AP4E1: variants seen among roughly 807,000 people sequenced by gnomAD.
AP4E1 encodes AP-4 complex subunit epsilon-1.
In AP4E1, 56 loss-of-function variants were observed where a neutral mutation model predicts 128.2. The observed-to-expected ratio is 0.44, with a 90% CI of 0.35 to 0.55. The LOEUF (loss-of-function observed/expected upper bound fraction) is 0.55, where lower values mean the gene tolerates loss of function less well. Among genes scored for constraint, AP4E1 ranks in the 20% least tolerant of loss-of-function variants. The pLI is 0.00. For missense variants in AP4E1, 1,324 were observed against 1,307.7 expected, an observed-to-expected ratio of 1.01 and a Z score of -0.19; for synonymous variants, 484 against 473.1, an observed-to-expected ratio of 1.02 and a Z score of -0.30.
At position 51,004,258 on chromosome 15, in the gene AP4E1, A is replaced by G. The variant is rs1455384802; in HGVS notation, c.*1596A>G. ...AGCTAGCCTTATCAGCTCCCTCCTT[A>G]TTCCTACCTCTGTCAGCAGCATGCC... On this transcript the variant is annotated 3_prime_UTR_variant, in exon 21 of 21. Transcript: ENST00000261842. 6.6e-6 allele frequency: 1 copy of G among 152,022 alleles called. No individual in the cohort carries two copies. Among genetic ancestry groups the G allele is most frequent in the Non-Finnish European group, 1.5e-5 (1 of 68,004 alleles). 9.4% of individuals were successfully genotyped at this position (152,022 alleles called of 1,614,324 possible). A position where few individuals can be genotyped will look rare whatever the true frequency, so the allele number is the denominator to read the frequency against.
rs747228320 is a variant in AP4E1, at chr15:50,930,782, G to GT, written c.703-15dup. ...TATTTAATAAGACGTTATTAACAAAGTTTTTTTTGCGGGGGGATGTAGGAG... is the reference window on the plus strand; with the variant it reads ...TATTTAATAAGACGTTATTAACAAAGTTTTTTTTTGCGGGGGGATGTAGGAG... On this transcript the variant is annotated intron_variant, in intron 6 of 20. Transcript: ENST00000261842. 5.0e-5 allele frequency: 81 copies of GT among 1,611,642 alleles called. No homozygotes were observed. The East Asian group carries it at 6.9e-4, about 14-fold the overall frequency.
chr15:50,976,692 C>A (rs1384808182), intron 15 of AP4E1, among the ~76,000 whole-genome samples: 1 of 152,126 alleles, frequency 6.6e-6, no homozygotes, highest in Non-Finnish European at 1.5e-5. Flanking sequence ...GATGCAAAGT[C>A]AACATGCAAA....
intron 11 of AP4E1, among the ~76,000 whole-genome samples, chr15:50,948,621 G>A (rs1267429220): frequency 6.6e-6 from 1 of 152,052 alleles, no homozygotes; most frequent in African/African-American, 2.4e-5. Context: ...CTTCATGTTT[G>A]TTTCTTAAAA....
intron 16 of AP4E1, among the ~76,000 whole-genome samples, chr15:50,985,112 A>C (rs1296042031): frequency 2.0e-5 from 3 of 152,190 alleles, no homozygotes; most frequent in Non-Finnish European, 4.4e-5. Flanking sequence ...TCTTCTTTTG[A>C]GAAGTGTCTG....
intron 19 of AP4E1, among the ~76,000 whole-genome samples, chr15:50,999,567 T>C (rs962925744): frequency 2.6e-5 from 4 of 152,214 alleles, no homozygotes; most frequent in Non-Finnish European, 4.4e-5. Flanking sequence ...AAAAGTATTA[T>C]TTAAACTAAA....
intron 7 of AP4E1, 127 bp downstream of exon 7, chr15:50,931,098 A>G (rs1032390840): frequency 8.5e-7 from 1 of 1,178,284 alleles, no homozygotes; most frequent in Non-Finnish European, 1.2e-6. Flanking sequence ...TAGTGATAAA[A>G]GAAGCCATTG....
intron 17 of AP4E1, among the ~76,000 whole-genome samples, chr15:50,995,654 G>C (rs957013067): frequency 1.3e-5 from 2 of 151,936 alleles, no homozygotes; most frequent in African/African-American, 4.8e-5. Context: ...CCAAAGTGTT[G>C]GGATTGCAGG....
In AP4E1 at chr15:51,002,739, C is replaced by T; in HGVS notation, c.*77C>T. On this transcript the variant is annotated 3_prime_UTR_variant, in exon 21 of 21. Coordinates refer to ENST00000261842, the MANE Select transcript of AP4E1 (RefSeq NM_007347.5). ...AACTTATTTACCAAAGTAAAAAGAA[C>T]TCATGGTACTTCTAATGAAAATGGG... is the stretch of plus-strand genomic sequence containing the variant. 6.6e-7 allele frequency: 1 copy of T among 1,516,824 alleles called. No homozygotes were observed. The highest frequency in any genetic ancestry group is 9.1e-7 in the Non-Finnish European group (1 of 1,100,992). 94.0% of individuals were successfully genotyped at this position (1,516,824 alleles called of 1,614,324 possible).
chr15:50,918,194 C>G (rs1320175095), intron 3 of AP4E1: 2 of 152,130 alleles, frequency 1.3e-5, no homozygotes, highest in East Asian at 3.9e-4. Context: ...ATACAAATGA[C>G]CATGGGAACC....
At chr15:50,973,492 A>G (rs1320977626) in intron 15 of AP4E1, among the ~76,000 whole-genome samples, 1 of 152,198 alleles carries the variant, frequency 6.6e-6, no homozygotes, top group African/African-American at 2.4e-5. Flanking sequence ...TTGACTGTAG[A>G]TACAATGTTG....
At chr15:50,919,450 T>C (rs1197918004) in intron 3 of AP4E1, among the ~76,000 whole-genome samples, 1 of 151,928 alleles carries the variant, frequency 6.6e-6, no homozygotes, top group African/African-American at 2.4e-5. Flanking sequence ...GAGAATCACT[T>C]GAACCTGGGA....
At chr15:50,977,558 G>C (rs2064568891) in intron 15 of AP4E1, among the ~76,000 whole-genome samples, 1 of 152,026 alleles carries the variant, frequency 6.6e-6, no homozygotes, top group African/African-American at 2.4e-5. Context: ...GATATAGCAA[G>C]TATTTAATAA....
chr15:50,943,936 A>G (rs966009975), intron 10 of AP4E1, among the ~76,000 whole-genome samples: 1 of 152,308 alleles, frequency 6.6e-6, no homozygotes, highest in East Asian at 1.9e-4. Context: ...TTTCCATTTA[A>G]TATTTTTTAG....
intron 3 of AP4E1, among the ~76,000 whole-genome samples, chr15:50,917,296 A>G (rs1241229337): frequency 1.3e-5 from 2 of 152,248 alleles, no homozygotes; most frequent in African/African-American, 4.8e-5. Flanking sequence ...CAATTCAATC[A>G]TAACAAGAGT....
intron 15 of AP4E1, among the ~76,000 whole-genome samples, chr15:50,973,197 C>CT (rs1045357704): frequency 2.0e-5 from 3 of 151,824 alleles, no homozygotes; most frequent in Admixed American, 6.6e-5. Context: ...AAAGGTTTTT[C>CT]TTTTTTTTCC....
Position 50,958,665 on chromosome 15 carries a change from A to T in AP4E1, c.1722A>T (p.Leu574Phe). 1.2e-6 allele frequency: 2 copies of T among 1,614,174 alleles called. No individual in the cohort carries two copies. Among genetic ancestry groups the T allele is most frequent in the Non-Finnish European group, 1.7e-6 (2 of 1,179,998 alleles). ...QAHSSNTVER[L>F]IHEFTISLDT... ...ACTCTTCTAATACAGTTGAGAGATT[A>T]ATCCATGAATTTACCATATCTTTGG... The change falls in exon 14 of 21, where the codon TTA (leucine) becomes TTT (phenylalanine). Residue 574 changes from leucine (L) to phenylalanine (F), a missense_variant. By Grantham distance (22) the Leu-to-Phe change is conservative. Coordinates refer to ENST00000261842, the MANE Select transcript of AP4E1 (RefSeq NM_007347.5).
chr15:50,964,124 C>G (rs2064355677), intron 14 of AP4E1, among the ~76,000 whole-genome samples: 1 of 152,214 alleles, frequency 6.6e-6, no homozygotes. Flanking sequence ...TGTCTTTAAA[C>G]TCTCAAAATT....
At chr15:50,987,728 T>G (rs2064748360) in intron 16 of AP4E1, among the ~76,000 whole-genome samples, 1 of 152,094 alleles carries the variant, frequency 6.6e-6, no homozygotes, top group Non-Finnish European at 1.5e-5. Context: ...CAACTAGGTT[T>G]TCACATAATT....
chr15:50,908,214 T>G (rs1172849557), upstream of AP4E1, among the ~76,000 whole-genome samples: 1 of 151,862 alleles, frequency 6.6e-6, no homozygotes, highest in Non-Finnish European at 1.5e-5. Context: ...AGCCCCGCTA[T>G]CACGCAACTA....
Sources: allele counts gnomAD v4.1 joint callset (sites outside exome capture counted in the v4.1 genomes callset), GRCh38; gene constraint gnomAD v4.1.1; transcripts MANE v1.5; gene names NCBI Gene and HGNC (gene_info 2026-07-23, HGNC 2026-07-21).